Variants in LGALS13 observed in about 807,000 individuals in gnomAD.
The protein encoded by LGALS13 is galectin 13, also known as galactoside-binding soluble lectin 13.
Under a neutral mutation model 13.2 loss-of-function variants are expected in LGALS13, and 11 were observed. That is an observed-to-expected ratio of 0.83 (90% CI 0.52 to 1.38). LGALS13 has a LOEUF of 1.38. Among genes scored for constraint, LGALS13 ranks in the 40% most tolerant of loss-of-function variants. LGALS13 has a pLI of 0.00. For missense variants in LGALS13, 183 were observed against 174.3 expected, an observed-to-expected ratio of 1.05 and a Z score of -0.28; for synonymous variants, 71 against 63.7, an observed-to-expected ratio of 1.11 and a Z score of -0.54.
intron 1 of LGALS13, among the ~76,000 whole-genome samples, chr19:39,603,652 C>A (rs1972635809): frequency 1.3e-5 from 2 of 151,918 alleles, no homozygotes; most frequent in Admixed American, 1.3e-4. Flanking sequence ...AAGTTTGAGA[C>A]CAGTCTGGGT....
intron 2 of LGALS13, 107 bp downstream of exon 2, chr19:39,604,785 A>C: frequency 7.3e-7 from 1 of 1,369,562 alleles, no homozygotes; most frequent in Non-Finnish European, 1.0e-6. Flanking sequence ...GGCAGAATGG[A>C]GGCCCCATGC....
At chr19:39,605,146 C>T (rs753094172) in intron 2 of LGALS13, 32 bp from the exon 3 acceptor site, 4 of 1,575,666 alleles carry the variant, frequency 2.5e-6, no homozygotes, top group African/African-American at 1.3e-5. Flanking sequence ...AAGGGAGGGA[C>T]CTGCCCAACA....
chr19:39,607,045 G>A (rs984047289), intron 3 of LGALS13, among the ~76,000 whole-genome samples, 178 bp from the exon 4 acceptor site: 1 of 152,090 alleles, frequency 6.6e-6, no homozygotes, highest in Non-Finnish European at 1.5e-5. Flanking sequence ...AAATAAAGTC[G>A]GGTACTGTCT....
chr19:39,604,507 T>A, intron 1 of LGALS13, 95 bp from the exon 2 acceptor site: 1 of 1,408,726 alleles, frequency 7.1e-7, no homozygotes, highest in Admixed American at 1.7e-5. Context: ...GAGTCTGCCC[T>A]TTCATCTCCA....
At chr19:39,604,526 C>A in intron 1 of LGALS13, 76 bp from the exon 2 acceptor site, 1 of 1,508,996 alleles carries the variant, frequency 6.6e-7, no homozygotes, top group Non-Finnish European at 9.2e-7. Flanking sequence ...CAACCTCCTG[C>A]ACCATGAGAA....
intron 1 of LGALS13, chr19:39,603,909 C>T (rs1218277003): frequency 3.1e-6 from 3 of 979,404 alleles, no homozygotes; most frequent in African/African-American, 3.5e-5. Context: ...CAATCATTCC[C>T]TCCAGTTATG....
At chr19:39,603,023 C>T (rs946353779) in intron 1 of LGALS13, among the ~76,000 whole-genome samples, 4 of 152,012 alleles carry the variant, frequency 2.6e-5, no homozygotes, top group African/African-American at 9.7e-5. Context: ...TGGTGTGGCT[C>T]TGTGTGACTG....
chr19:39,604,594 T>G lies in LGALS13; in HGVS notation c.16-8T>G. On this transcript the variant is annotated splice_polypyrimidine_tract_variant and splice_region_variant and intron_variant, in intron 1 of 3. Coordinates refer to ENST00000221797, the MANE Select transcript of LGALS13 (RefSeq NM_013268.3). Reference sequence around the variant, plus strand: ...TGCACCTCTCACTTACTCTCAATACTCTGGCAGGTGCCATACAAACTGCCT... The same window carrying G: ...TGCACCTCTCACTTACTCTCAATACGCTGGCAGGTGCCATACAAACTGCCT... The G allele has an allele frequency of 8.7e-6, 14 of 1,614,114 alleles. No individual in the cohort carries two copies. The highest frequency in any genetic ancestry group is 1.1e-5 in the Non-Finnish European group (13 of 1,180,022).
chr19:39,607,273 A>G lies in LGALS13; in HGVS notation c.354A>G (p.Pro118=), dbSNP rs1165906636. The G allele has an allele frequency of 6.2e-7, 1 of 1,614,142 alleles. No individual in the cohort carries two copies. Residue 118 remains proline (P), a synonymous_variant, in exon 4 of 4, where the codon CCA becomes CCG. Transcript: ENST00000221797. Reference sequence around the variant, plus strand: ...ACGGCTTTGTCCATCGAATCCCGCCATCATTTGTGAAGATGGTGCAAGTGT... The same window carrying G: ...ACGGCTTTGTCCATCGAATCCCGCCGTCATTTGTGAAGATGGTGCAAGTGT... ...RIYGFVHRIP[P]SFVKMVQVSR... is the part of the protein sequence containing the mutation.
rs3764844 is a variant in LGALS13, at chr19:39,602,687, C to A, written c.15+104C>A. ...AATATGAGCATTTTTGCTGTGAATG[C>A]TTTACTTAGAGCTATTGAGGTGTGG... On this transcript the variant is annotated intron_variant, in intron 1 of 3. Transcript: ENST00000221797. The A allele has an allele frequency of 2.0e-5, 22 of 1,122,736 alleles. No homozygotes were observed. The Admixed American group carries it at 3.8e-4, about 20-fold the overall frequency. 69.5% of individuals were successfully genotyped at this position (1,122,736 alleles called of 1,614,324 possible).
At position 39,605,159 on chromosome 19, in the gene LGALS13, C is replaced by T. The variant is rs1972664311; in HGVS notation, c.93-19C>T. ...GCAAGGGAGGGACCTGCCCAACATT[C>T]TGCGTGCTTCACCCTCAGCAATGAC... is the stretch of plus-strand genomic sequence containing the variant. On this transcript the variant is annotated intron_variant, in intron 2 of 3. Coordinates refer to ENST00000221797, the MANE Select transcript of LGALS13 (RefSeq NM_013268.3). 1.2e-6 allele frequency: 2 copies of T among 1,605,876 alleles called. No homozygotes were observed. Among genetic ancestry groups the T allele is most frequent in the African/African-American group, 2.7e-5 (2 of 74,888 alleles).
intron 1 of LGALS13, among the ~76,000 whole-genome samples, chr19:39,604,231 G>C (rs1230586714): frequency 6.6e-6 from 1 of 152,126 alleles, no homozygotes; most frequent in East Asian, 1.9e-4. Flanking sequence ...CGCATGACAG[G>C]GATTAGGGTA....
At chr19:39,603,760 G>A (rs1972637506) in intron 1 of LGALS13, among the ~76,000 whole-genome samples, 1 of 152,124 alleles carries the variant, frequency 6.6e-6, no homozygotes, top group African/African-American at 2.4e-5. Flanking sequence ...GCAGATGTGT[G>A]AGATTCACTG....
intron 1 of LGALS13, among the ~76,000 whole-genome samples, chr19:39,604,312 T>C (rs1285734654): frequency 1.3e-5 from 2 of 152,112 alleles, no homozygotes; most frequent in Non-Finnish European, 2.9e-5. Flanking sequence ...ATAATCCTCG[T>C]TGTCCTAGGG....
chr19:39,605,312 A>C lies in LGALS13; in HGVS notation c.227A>C (p.Glu76Ala), dbSNP rs754437589. The C allele has an allele frequency of 9.3e-6, 15 of 1,614,040 alleles. No individual in the cohort carries two copies. The highest frequency in any genetic ancestry group is 1.6e-4 in the Middle Eastern group (1 of 6,084). The change falls in exon 3 of 4, where the codon GAG becomes GCG. Residue 76 changes from glutamate to alanine, a missense_variant. By Grantham distance (107) the Glu-to-Ala change is moderately radical. Coordinates refer to ENST00000221797, the MANE Select transcript of LGALS13 (RefSeq NM_013268.3). ...GAGTTTGGGATATGGATGTTGGAGG[A>C]GACAACAGACTACGTGCCCTTTGAG... ...RREFGIWMLE[E>A]TTDYVPFEDG...
intron 1 of LGALS13, among the ~76,000 whole-genome samples, chr19:39,602,915 G>T (rs1972624214): frequency 6.6e-6 from 1 of 152,102 alleles, no homozygotes; most frequent in Non-Finnish European, 1.5e-5. Flanking sequence ...AGTCGGCTTT[G>T]TTTCCTGTCT....
rs139363160 is a variant in LGALS13 at position 39,603,275 on chromosome 19, T to C, written c.15+692T>C. Among the ~76,000 whole-genome samples the C allele has an allele frequency of 4.3e-4, 66 of 152,028 alleles. 1 individual carries two copies. The East Asian group carries it at 0.012, about 27-fold the overall frequency. On this transcript the variant is annotated intron_variant, in intron 1 of 3. Coordinates refer to ENST00000221797, the MANE Select transcript of LGALS13 (RefSeq NM_013268.3). ...GAGTGGGGAAGAGGAATGCAGACTATGGGGGTGATGGTTCCTCAGGTGGGG... is the reference window on the plus strand; with the variant it reads ...GAGTGGGGAAGAGGAATGCAGACTACGGGGGTGATGGTTCCTCAGGTGGGG...
rs1972666034 is a variant in LGALS13 at position 39,605,224 on chromosome 19, G to T, written c.139G>T (p.Asp47Tyr). The T allele has an allele frequency of 6.2e-7, 1 of 1,614,114 alleles. No homozygotes were observed. The highest frequency in any genetic ancestry group is 1.3e-5 in the African/African-American group (1 of 74,938). Residue 47 changes from aspartate (D) to tyrosine (Y), a missense_variant, in exon 3 of 4, where the codon GAT becomes TAT. Physicochemically the swap from Asp to Tyr is radical, Grantham distance 160 (BLOSUM62 -3). Coordinates refer to ENST00000221797, the MANE Select transcript of LGALS13 (RefSeq NM_013268.3). Reference sequence around the variant, plus strand: ...GGATTTCTACACTGACATGGATGAGGATTCAGATATTGCCTTCCGTTTCCG... The same window carrying T: ...GGATTTCTACACTGACATGGATGAGTATTCAGATATTGCCTTCCGTTTCCG... Reference protein sequence around the residue: ...QVDFYTDMDEDSDIAFRFRVH... With the variant: ...QVDFYTDMDEYSDIAFRFRVH...
rs1436132099 is a variant in LGALS13 at position 39,607,372 on chromosome 19, T to A, written c.*33T>A. 2 of 1,386,740 alleles carry A rather than the reference T, an allele frequency of 1.4e-6. No individual in the cohort carries two copies. The highest frequency in any genetic ancestry group is 2.8e-5 in the African/African-American group (2 of 70,466). 85.9% of individuals were successfully genotyped at this position (1,386,740 alleles called of 1,614,324 possible). On this transcript the variant is annotated 3_prime_UTR_variant, in exon 4 of 4. Transcript: ENST00000221797. The stretch of plus-strand genomic sequence containing the variant: ...GATCACACTCCTCATTGTTGAGGAA[T>A]CCCTCTTTCTACCTGACCATGGGAT...
Sources: allele counts gnomAD v4.1 joint callset (sites outside exome capture counted in the v4.1 genomes callset), GRCh38; gene constraint gnomAD v4.1.1; transcripts MANE v1.5; gene names NCBI Gene and HGNC (gene_info 2026-07-23, HGNC 2026-07-21).